COL5A1: variants seen among roughly 807,000 people sequenced by gnomAD.
COL5A1 encodes the protein collagen type V alpha 1 chain.
COL5A1 carries 16 observed loss-of-function variants against 263.7 expected under a neutral mutation model. That is an observed-to-expected ratio of 0.06 (90% CI 0.04 to 0.09). The LOEUF is 0.09. COL5A1 is among the 10% of genes least tolerant of loss of function. The pLI is 1.00. For synonymous variants in COL5A1, 1,012 were observed against 1,004.5 expected, an observed-to-expected ratio of 1.01 and a Z score of -0.14; for missense variants, 2,036 against 2,540.5, an observed-to-expected ratio of 0.80 and a Z score of 4.27.
rs116312634 is a variant in COL5A1, at chr9:134,708,422, G to A, written c.654+7089G>A. The A allele has an allele frequency of 3.7e-3, 1,511 of 408,478 alleles. 24 individuals carry two copies. The highest frequency in any genetic ancestry group is 0.029 in the African/African-American group (1,382 of 48,106). The allele number at this position is 408,478 out of a possible 1,614,324, so 25.3% of individuals were successfully genotyped here. The stretch of plus-strand genomic sequence containing the variant: ...CATTGCGGCTCAGAGCAACTCCCGG[G>A]GTGGGGGCTCTGGTGCACCTGCACT... On this transcript the variant is annotated intron_variant, in intron 4 of 65. Transcript: ENST00000371817.
In COL5A1 at chr9:134,794,459, T is replaced by C. The variant is rs182260449; in HGVS notation, c.2701-623T>C. On this transcript the variant is annotated intron_variant, in intron 32 of 65. Coordinates refer to ENST00000371817, the MANE Select transcript of COL5A1 (RefSeq NM_000093.5). The surrounding 1 kb of genome is among the most constrained non-coding windows in gnomAD (Gnocchi z 4.3). ...ATGTAGCTTAACTACATTTTCCAGCTCTGACATCTTTGCACTGCATTTGTT... is the reference window on the plus strand; with the variant it reads ...ATGTAGCTTAACTACATTTTCCAGCCCTGACATCTTTGCACTGCATTTGTT... 6.6e-5 allele frequency among the ~76,000 whole-genome samples: 10 copies of C among 152,324 alleles called. No homozygotes were observed. The highest frequency in any genetic ancestry group is 2.4e-4 in the African/African-American group (10 of 41,558).
chr9:134,746,014 A>C (rs1356479481), intron 11 of COL5A1, among the ~76,000 whole-genome samples: 6 of 152,114 alleles, frequency 3.9e-5, no homozygotes, highest in Non-Finnish European at 1.5e-5. Flanking sequence ...TTTAGGACCC[A>C]AGATCTCATC....
chr9:134,815,486 G>A, intron 50 of COL5A1, 90 bp from the exon 51 acceptor site: 1 of 1,295,614 alleles, frequency 7.7e-7, no homozygotes, highest in Non-Finnish European at 1.1e-6. Context: ...GGTGGCAGGT[G>A]GCCATCTTGA....
rs1040399616 is a variant in COL5A1 at position 134,814,107 on chromosome 9, A to G, written c.3906+71A>G. On this transcript the variant is annotated intron_variant, in intron 49 of 65. Transcript: ENST00000371817. Reference sequence around the variant, plus strand: ...GTGTGTGGACGGGGTGCTGGGTTGGAGGCTCTGGCTCTGCCTTAGCTTTTC... The same window carrying G: ...GTGTGTGGACGGGGTGCTGGGTTGGGGGCTCTGGCTCTGCCTTAGCTTTTC... 2.2e-5 allele frequency: 32 copies of G among 1,463,816 alleles called. No individual in the cohort carries two copies. The African/African-American group carries it at 4.1e-4, about 19-fold the overall frequency. The allele number at this position is 1,463,816 out of a possible 1,614,324, so 90.7% of individuals were successfully genotyped here.
chr9:134,646,157 C>T lies in COL5A1; in HGVS notation c.109+3861C>T, dbSNP rs1364512928. Among the ~76,000 whole-genome samples the T allele has an allele frequency of 5.3e-5, 8 of 152,266 alleles. No homozygotes were observed. In the East Asian group the frequency reaches 9.7e-4, roughly 18 times the overall value. Reference sequence around the variant, plus strand: ...AAGGCTTTTGCCTTTTCACCTGGGTCGGGCCTATCTTGGGGAGACCGAGGC... The same window carrying T: ...AAGGCTTTTGCCTTTTCACCTGGGTTGGGCCTATCTTGGGGAGACCGAGGC... On this transcript the variant is annotated intron_variant, in intron 1 of 65. Coordinates refer to ENST00000371817, the MANE Select transcript of COL5A1 (RefSeq NM_000093.5).
At chr9:134,708,466 C>G (rs752278141) in intron 4 of COL5A1, 8 of 444,592 alleles carry the variant, frequency 1.8e-5, no homozygotes, top group Non-Finnish European at 2.3e-5. Context: ...ACACTGTCAC[C>G]CTTCTAGGTC....
intron 1 of COL5A1, among the ~76,000 whole-genome samples, chr9:134,663,079 G>A (rs1439555563): frequency 6.6e-6 from 1 of 152,266 alleles, no homozygotes; most frequent in Admixed American, 6.5e-5. Context: ...GGTGGTTGAA[G>A]AGACCATGTT....
At chr9:134,646,479 C>T (rs767472384) in intron 1 of COL5A1, among the ~76,000 whole-genome samples, 3 of 152,226 alleles carry the variant, frequency 2.0e-5, no homozygotes, top group African/African-American at 7.2e-5. Flanking sequence ...CATTCCACAC[C>T]GTGTCCCAGA....
At chr9:134,685,320 T>TCATC (rs1833002949) in intron 1 of COL5A1, among the ~76,000 whole-genome samples, 1 of 83,706 alleles carries the variant, frequency 1.2e-5, no homozygotes, top group African/African-American at 3.8e-5. Context: ...ATCCATCCAT[T>TCATC]CATCCATCCA....
intron 1 of COL5A1, among the ~76,000 whole-genome samples, chr9:134,664,206 A>G (rs548911662): frequency 3.3e-5 from 5 of 152,364 alleles, no homozygotes; most frequent in African/African-American, 9.6e-5. Context: ...CTCTTCTACC[A>G]AAATGCATTC....
intron 25 of COL5A1, among the ~76,000 whole-genome samples, chr9:134,769,584 G>C (rs576059199): frequency 5.3e-5 from 8 of 152,368 alleles, no homozygotes; most frequent in African/African-American, 1.4e-4. Context: ...GCGGGTGGAC[G>C]TGTGTCCTTC....
chr9:134,783,062 A>G (rs1040364028), intron 29 of COL5A1, among the ~76,000 whole-genome samples: 7 of 152,350 alleles, frequency 4.6e-5, no homozygotes, highest in Admixed American at 4.6e-4. Flanking sequence ...CAAGAGGGAT[A>G]AGCGGTGCCT....
At chr9:134,679,175 G>A (rs1159807423) in intron 1 of COL5A1, among the ~76,000 whole-genome samples, 1 of 151,890 alleles carries the variant, frequency 6.6e-6, no homozygotes, top group African/African-American at 2.4e-5. Flanking sequence ...GTCTTGTGTG[G>A]AAAGAGCAGT....
chr9:134,646,341 G>A (rs1831474281), intron 1 of COL5A1, among the ~76,000 whole-genome samples: 1 of 151,416 alleles, frequency 6.6e-6, no homozygotes, highest in South Asian at 2.1e-4. Flanking sequence ...GCTTCCTGGA[G>A]GAGGTGATGT....
At chr9:134,708,500 C>A (rs776004746) in intron 4 of COL5A1, 1 of 490,510 alleles carries the variant, frequency 2.0e-6, no homozygotes, top group East Asian at 5.6e-5. Context: ...CCGCATCTAC[C>A]CAGCCCTGCT....
intron 1 of COL5A1, among the ~76,000 whole-genome samples, chr9:134,661,962 T>G (rs1832219137): frequency 6.6e-6 from 1 of 152,080 alleles, no homozygotes; most frequent in Non-Finnish European, 1.5e-5. Flanking sequence ...GAGTGCTCCA[T>G]GCTGAAAGCC....
chr9:134,785,193 A>C (rs1314262426), intron 30 of COL5A1, 97 bp downstream of exon 30: 3 of 934,966 alleles, frequency 3.2e-6, no homozygotes, highest in Non-Finnish European at 5.1e-6. Context: ...TGCCCTAGGC[A>C]TGGGGTGGGG....
rs992789459 is a variant in COL5A1, at chr9:134,750,460, T to C, written c.1495-82T>C. ...CAGTGCATTTCCCGGGTGGGCCGCTTCTCCGACGCCCTCATTCTCGCTGCA... is the reference window on the plus strand; with the variant it reads ...CAGTGCATTTCCCGGGTGGGCCGCTCCTCCGACGCCCTCATTCTCGCTGCA... On this transcript the variant is annotated intron_variant, in intron 11 of 65. Coordinates refer to ENST00000371817, the MANE Select transcript of COL5A1 (RefSeq NM_000093.5). 1.3e-5 allele frequency: 17 copies of C among 1,315,342 alleles called. No individual in the cohort carries two copies. The African/African-American group carries it at 2.5e-4, about 19-fold the overall frequency. 81.5% of individuals were successfully genotyped at this position (1,315,342 alleles called of 1,614,324 possible).
At position 134,678,189 on chromosome 9, in the gene COL5A1, AGGTGGTCTGTATCTCT is replaced by A. The variant is rs1282971776; in HGVS notation, c.110-12712_110-12697del. Among the ~76,000 whole-genome samples, 2 of 152,166 alleles carry A rather than the reference AGGTGGTCTGTATCTCT, an allele frequency of 1.3e-5. No homozygotes were observed. Among genetic ancestry groups the A allele is most frequent in the African/African-American group, 4.8e-5 (2 of 41,428 alleles). The stretch of plus-strand genomic sequence containing the variant: ...CCCAAATGGATGCTGTCTGAAACTC[AGGTGGTCTGTATCTCT>A]GGTGGTCTGTGGCTCTGAAGCCATG... On this transcript the variant is annotated intron_variant, in intron 1 of 65. Coordinates refer to ENST00000371817, the MANE Select transcript of COL5A1 (RefSeq NM_000093.5). This position sits in a 1 kb window ranked among gnomAD's most constrained non-coding sequence, Gnocchi z 5.5.
Sources: gnomAD v4.1 joint callset for allele counts (sites outside exome capture counted in the v4.1 genomes callset) on GRCh38, gnomAD v4.1.1 for gene constraint, Gnocchi (gnomAD v3.1) non-coding constraint, MANE v1.5 for transcripts, NCBI Gene and HGNC (gene_info 2026-07-23, HGNC 2026-07-21) for gene names.